Variants in MALRD1 observed in about 807,000 individuals in gnomAD.
The protein encoded by MALRD1 is MAM and LDL receptor class A domain containing 1.
Under a neutral mutation model 242.1 loss-of-function variants are expected in MALRD1, and 247 were observed. That is an observed-to-expected ratio of 1.02 (90% CI 0.92 to 1.13). The LOEUF is 1.13. Ranked by LOEUF, MALRD1 falls within the 50% of genes most tolerant of loss-of-function variation. The pLI, the probability that MALRD1 is intolerant of heterozygous loss-of-function variation, is 0.00. For synonymous variants in MALRD1, 995 were observed against 866.6 expected, an observed-to-expected ratio of 1.15 and a Z score of -2.60; for missense variants, 2,989 against 2,533.1, an observed-to-expected ratio of 1.18 and a Z score of -3.86.
intron 35 of MALRD1, among the ~76,000 whole-genome samples, chr10:19,615,608 A>T (rs1236899084): frequency 6.6e-6 from 1 of 151,706 alleles, no homozygotes; most frequent in Non-Finnish European, 1.5e-5. Context: ...TAATTTTTTA[A>T]AAAGTCTTCT....
chr10:19,491,337 A>G (rs1044154564), intron 29 of MALRD1, 180 bp from the exon 30 acceptor site: 6 of 762,198 alleles, frequency 7.9e-6, no homozygotes, highest in Non-Finnish European at 1.3e-5. Context: ...AGTCTATATA[A>G]CTTGCTGAAC....
At chr10:19,385,486 T>C (rs1337978015) in intron 26 of MALRD1, among the ~76,000 whole-genome samples, 2 of 152,096 alleles carry the variant, frequency 1.3e-5, no homozygotes, top group Non-Finnish European at 2.9e-5. Flanking sequence ...TAGGAATTTC[T>C]AGGAATGTAT....
rs1399355647 is a variant in MALRD1 at position 19,108,709 on chromosome 10, G to A, written c.694+4634G>A. Reference sequence around the variant, plus strand: ...TGGGATTACAGGCGTGAGCCACCGCGCCCGGCCGTTTTTTCTAATTTTATT... The same window carrying A: ...TGGGATTACAGGCGTGAGCCACCGCACCCGGCCGTTTTTTCTAATTTTATT... On this transcript the variant is annotated intron_variant, in intron 5 of 39. Coordinates refer to ENST00000454679, the MANE Select transcript of MALRD1 (RefSeq NM_001142308.3). 1.9e-4 allele frequency among the ~76,000 whole-genome samples: 5 copies of A among 26,632 alleles called. 2 individuals are homozygous for A. The highest frequency in any genetic ancestry group is 1.7e-3 in the South Asian group (2 of 1,162). The allele number at this position is 26,632 out of a possible 152,430, so 17.5% of individuals were successfully genotyped here. A position where few individuals can be genotyped will look rare whatever the true frequency, so the allele number is the denominator to read the frequency against.
chr10:19,337,831 G>C (rs960150089), intron 24 of MALRD1, among the ~76,000 whole-genome samples: 2 of 152,062 alleles, frequency 1.3e-5, no homozygotes, highest in Non-Finnish European at 2.9e-5. Flanking sequence ...GGGAGGCCAA[G>C]GTGGGTGGAT....
chr10:19,433,005 A>G (rs1405517265), intron 28 of MALRD1, among the ~76,000 whole-genome samples: 1 of 152,246 alleles, frequency 6.6e-6, no homozygotes, highest in Non-Finnish European at 1.5e-5. Flanking sequence ...ACATATATGT[A>G]TATATAGATA....
intron 2 of MALRD1, among the ~76,000 whole-genome samples, chr10:19,067,848 G>T (rs1564370911): frequency 6.6e-6 from 1 of 152,038 alleles, no homozygotes; most frequent in Non-Finnish European, 1.5e-5. Context: ...AATAATTTTG[G>T]TGTTGCTAAT....
chr10:19,732,455 G>T (rs769105939), intron 39 of MALRD1, among the ~76,000 whole-genome samples: 3 of 152,062 alleles, frequency 2.0e-5, no homozygotes, highest in Admixed American at 2.0e-4. Context: ...TAGAGACAGG[G>T]TTTCATCATG....
chr10:19,501,088 G>T (rs1015009722), intron 31 of MALRD1, among the ~76,000 whole-genome samples: 12 of 152,188 alleles, frequency 7.9e-5, no homozygotes, highest in Admixed American at 3.9e-4. Flanking sequence ...TAAATAGGCT[G>T]GTCAAATTAG....
chr10:19,397,639 AT>A (rs1320534055), intron 28 of MALRD1, among the ~76,000 whole-genome samples: 1 of 151,580 alleles, frequency 6.6e-6, no homozygotes, highest in Non-Finnish European at 1.5e-5. Context: ...CTCTGTTTAA[AT>A]TTTTTTTTGA....
intron 28 of MALRD1, among the ~76,000 whole-genome samples, chr10:19,431,478 A>G (rs778149783): frequency 2.6e-5 from 4 of 152,206 alleles, no homozygotes; most frequent in Non-Finnish European, 5.9e-5. Context: ...TGTATACAGT[A>G]TAGACTTTTA....
At chr10:19,522,351 T>C (rs1833919154) in intron 31 of MALRD1, among the ~76,000 whole-genome samples, 1 of 152,142 alleles carries the variant, frequency 6.6e-6, no homozygotes, top group African/African-American at 2.4e-5. Flanking sequence ...TAAAAGGAAC[T>C]GAGATTAAAA....
chr10:19,719,223 C>CATACATATATATATAT (rs1176551831), intron 38 of MALRD1, among the ~76,000 whole-genome samples: 2 of 76,424 alleles, frequency 2.6e-5, no homozygotes, highest in African/African-American at 1.2e-4. Flanking sequence ...CACATACATA[C>CATACATATATATATAT]ATATATATAT....
chr10:19,114,036 T>A (rs1269710511), intron 5 of MALRD1, among the ~76,000 whole-genome samples: 2 of 152,214 alleles, frequency 1.3e-5, no homozygotes, highest in Non-Finnish European at 2.9e-5. Context: ...GGATTATTTC[T>A]TCTTCCTTGT....
chr10:19,513,202 G>T (rs1332188973), intron 31 of MALRD1, among the ~76,000 whole-genome samples: 4 of 152,060 alleles, frequency 2.6e-5, no homozygotes, highest in African/African-American at 7.2e-5. Context: ...CCTCATGAAC[G>T]GCATGGTGCT....
chr10:19,156,916 T>A (rs1309035307), intron 12 of MALRD1, among the ~76,000 whole-genome samples: 1 of 152,164 alleles, frequency 6.6e-6, no homozygotes, highest in Non-Finnish European at 1.5e-5. Flanking sequence ...TTTTGGGTGC[T>A]TGGTAGTTTA....
intron 36 of MALRD1, among the ~76,000 whole-genome samples, chr10:19,637,195 A>G (rs552621018): frequency 2.6e-4 from 39 of 152,312 alleles, no homozygotes; most frequent in Non-Finnish European, 4.1e-4. Context: ...AACCTAACAA[A>G]TAATTGCAAA....
chr10:19,425,507 T>C (rs879942853), intron 28 of MALRD1, among the ~76,000 whole-genome samples: 2 of 152,190 alleles, frequency 1.3e-5, no homozygotes, highest in Non-Finnish European at 2.9e-5. Flanking sequence ...TCTTTTCTTT[T>C]CTTTCCTTTT....
At chr10:19,413,963 A>AC (rs1439214385) in intron 28 of MALRD1, among the ~76,000 whole-genome samples, 2 of 123,622 alleles carry the variant, frequency 1.6e-5, no homozygotes, top group Non-Finnish European at 3.8e-5. Context: ...AAAAACAAAA[A>AC]CCAAAAAAAA....
chr10:19,590,266 G>T (rs1466970358), intron 33 of MALRD1, among the ~76,000 whole-genome samples: 2 of 147,374 alleles, frequency 1.4e-5, no homozygotes, highest in African/African-American at 5.0e-5. Context: ...TATAATATAT[G>T]TATATATACA....
Sources: gnomAD v4.1 joint callset for allele counts (sites outside exome capture counted in the v4.1 genomes callset) on GRCh38, gnomAD v4.1.1 for gene constraint, MANE v1.5 for transcripts, NCBI Gene and HGNC (gene_info 2026-07-23, HGNC 2026-07-21) for gene names.